Variants in CLIP4 observed in about 807,000 individuals in gnomAD.
CLIP4 encodes CAP-Gly domain-containing linker protein 4.
In CLIP4, 47 loss-of-function variants were observed where a neutral mutation model predicts 73.1. The ratio of observed to expected loss-of-function variants is 0.64; its 90% confidence interval spans 0.51 to 0.82. CLIP4 has a LOEUF of 0.82. Among genes scored for constraint, CLIP4 ranks in the 40% least tolerant of loss-of-function variants. The pLI, the probability that CLIP4 is intolerant of heterozygous loss-of-function variation, is 0.00. For synonymous variants in CLIP4, 306 were observed against 295.4 expected (o/e 1.04, Z -0.37); for missense variants, 874 against 852.9 (o/e 1.02, Z -0.31).
intron 1 of CLIP4, among the ~76,000 whole-genome samples, chr2:29,117,990 C>A (rs533842727): frequency 6.6e-6 from 1 of 152,264 alleles, no homozygotes; most frequent in East Asian, 1.9e-4. Context: ...ACTGTAAATA[C>A]CTGTTTAGTA....
At chr2:29,110,997 C>G (rs1029198554), upstream of CLIP4, among the ~76,000 whole-genome samples, 1 of 152,052 alleles carries the variant, frequency 6.6e-6, no homozygotes, top group African/African-American at 2.4e-5. Flanking sequence ...ATATTTAAAG[C>G]CATAGACTGA....
Position 29,143,846 on chromosome 2 carries a change from A to T in CLIP4, c.786A>T (p.Ser262=). ...CGGTGCCTCTGTCATGTAACATCTC[A>T]AAGGCCATGCTCCCAAATTATGATC... ...LDAVPLSCNI[S]KAMLPNYDHV... The change falls in exon 7 of 16, where the codon TCA becomes TCT. Residue 262 remains serine (S), a synonymous_variant. Transcript: ENST00000320081. 6.2e-7 allele frequency: 1 copy of T among 1,614,186 alleles called. No individual in the cohort carries two copies. Among genetic ancestry groups the T allele is most frequent in the African/African-American group, 1.3e-5 (1 of 75,050 alleles).
At chr2:29,165,410 C>A (rs1366616022) in intron 13 of CLIP4, among the ~76,000 whole-genome samples, 1 of 152,150 alleles carries the variant, frequency 6.6e-6, no homozygotes, top group Non-Finnish European at 1.5e-5. Context: ...GCACCATGTT[C>A]CCTCAATGAG....
chr2:29,141,351 G>A (rs1665753668), intron 6 of CLIP4, among the ~76,000 whole-genome samples: 1 of 152,150 alleles, frequency 6.6e-6, no homozygotes, highest in Admixed American at 6.5e-5. Context: ...AACTGGTCAA[G>A]TGCTGTATTT....
chr2:29,112,923 G>A (rs2148444042), upstream of CLIP4, among the ~76,000 whole-genome samples: 1 of 152,322 alleles, frequency 6.6e-6, no homozygotes, highest in East Asian at 1.9e-4. Context: ...CTTTTATCAT[G>A]GTCGGGGTCC....
chr2:29,100,104 T>TTTTTTGTAAAATACAAAATACAAAA (rs1264991616), intron 1 of CLIP4, among the ~76,000 whole-genome samples: 2 of 152,070 alleles, frequency 1.3e-5, no homozygotes, highest in Non-Finnish European at 2.9e-5. Context: ...ATTTTTGTAT[T>TTTTTTGTAAAATACAAAATACAAAA]TTTTTGTAGA....
intron 6 of CLIP4, 27 bp downstream of exon 6, chr2:29,135,693 A>G: frequency 6.9e-7 from 1 of 1,454,160 alleles, no homozygotes; most frequent in Non-Finnish European, 9.5e-7. Context: ...AAAGTGAAAA[A>G]TATTAAAAGA....
chr2:29,173,656 A>G (rs1668153938), intron 14 of CLIP4, among the ~76,000 whole-genome samples: 1 of 152,194 alleles, frequency 6.6e-6, no homozygotes, highest in African/African-American at 2.4e-5. Flanking sequence ...TATAGTTTTA[A>G]ACTAAAATTG....
chr2:29,169,297 C>T (rs993687398), intron 14 of CLIP4, among the ~76,000 whole-genome samples: 1 of 151,140 alleles, frequency 6.6e-6, no homozygotes, highest in African/African-American at 2.4e-5. Flanking sequence ...AGATGGCCTT[C>T]TATCTCTGGT....
intron 7 of CLIP4, 68 bp downstream of exon 7, chr2:29,144,013 GT>G: frequency 7.5e-6 from 10 of 1,336,594 alleles, no homozygotes; most frequent in African/African-American, 1.4e-5. Context: ...CAAGGACACA[GT>G]ATGGTCAGAG....
At chr2:29,105,766 T>C (rs1668183816) in intron 1 of CLIP4, among the ~76,000 whole-genome samples, 1 of 152,222 alleles carries the variant, frequency 6.6e-6, no homozygotes. Flanking sequence ...AGAGAGCTCC[T>C]TTTTCCTTCC....
At position 29,121,506 on chromosome 2, in the gene CLIP4, A is replaced by C. The variant is rs754193512; in HGVS notation, c.118A>C (p.Met40Leu). The C allele has an allele frequency of 6.2e-7, 1 of 1,613,480 alleles. No homozygotes were observed. The highest frequency in any genetic ancestry group is 2.2e-5 in the East Asian group (1 of 44,848). ...PVIFSISAAP[M>L]PSDCEFSFFD... is the part of the protein sequence containing the mutation. The stretch of plus-strand genomic sequence containing the variant: ...TATCTTTTCCATTTCTGCAGCACCA[A>C]TGCCTTCAGACTGTGGTATGTGAAG... Residue 40 changes from methionine to leucine, a missense_variant, in exon 2 of 16, where the codon ATG becomes CTG. Met to Leu is a conservative substitution (Grantham distance 15, BLOSUM62 2). Coordinates refer to ENST00000320081, the MANE Select transcript of CLIP4 (RefSeq NM_024692.6).
intron 8 of CLIP4, among the ~76,000 whole-genome samples, chr2:29,149,141 A>G (rs555636209): frequency 6.6e-6 from 1 of 152,290 alleles, no homozygotes; most frequent in South Asian, 2.1e-4. Flanking sequence ...GGGCAGCCAT[A>G]GGCAGTGTGT....
At position 29,133,619 on chromosome 2, in the gene CLIP4, G is replaced by C. The variant is rs755703512; in HGVS notation, c.368-36G>C. The C allele has an allele frequency of 1.9e-6, 3 of 1,576,892 alleles. No homozygotes were observed. In the African/African-American group the frequency reaches 4.1e-5, roughly 22 times the overall value. On this transcript the variant is annotated intron_variant, in intron 4 of 15. Transcript: ENST00000320081. ...AGCCATCCATTGGAACTTAAAATTTGTACTAAAGGAAAGTAATTTAGAAAA... is the reference window on the plus strand; with the variant it reads ...AGCCATCCATTGGAACTTAAAATTTCTACTAAAGGAAAGTAATTTAGAAAA...
Position 29,162,707 on chromosome 2 carries a change from A to G in CLIP4, c.1535-1124A>G, listed in dbSNP as rs10186960. ...CAACCAGACTAACCTGGTTTAGGACATGTGGAAATGTGATGACCTATGTTC... is the reference window on the plus strand; with the variant it reads ...CAACCAGACTAACCTGGTTTAGGACGTGTGGAAATGTGATGACCTATGTTC... On this transcript the variant is annotated intron_variant, in intron 12 of 15. Coordinates refer to ENST00000320081, the MANE Select transcript of CLIP4 (RefSeq NM_024692.6). 9.6e-3 allele frequency among the ~76,000 whole-genome samples: 1,461 copies of G among 152,326 alleles called. 23 individuals carry two copies. Among genetic ancestry groups the G allele is most frequent in the African/African-American group, 0.033 (1,354 of 41,586 alleles).
At chr2:29,168,669 C>T (rs1472848989) in intron 14 of CLIP4, among the ~76,000 whole-genome samples, 1 of 151,592 alleles carries the variant, frequency 6.6e-6, no homozygotes, top group Non-Finnish European at 1.5e-5. Flanking sequence ...ACTACAAGCA[C>T]CTGCCACCAC....
At position 29,143,909 on chromosome 2, in the gene CLIP4, G is replaced by C; in HGVS notation, c.849G>C (p.Leu283=). 6.2e-7 allele frequency: 1 copy of C among 1,614,168 alleles called. No individual in the cohort carries two copies. The highest frequency in any genetic ancestry group is 8.5e-7 in the Non-Finnish European group (1 of 1,180,008). The change falls in exon 7 of 16, where the codon CTG becomes CTC. Residue 283 remains leucine (L), a synonymous_variant. Transcript: ENST00000320081. ...AGGCAATGCTTACGTCACTTGGCCT[G>C]AAGTTGGGGGATCGTGTTGTTATTG... is the stretch of plus-strand genomic sequence containing the variant. ...TGKAMLTSLG[L]KLGDRVVIAG...
chr2:29,156,036 A>G (rs3100244), intron 9 of CLIP4, among the ~76,000 whole-genome samples: 68,205 of 152,096 alleles, frequency 0.45, 17,121 homozygotes, highest in East Asian at 0.71. Flanking sequence ...TTGTCCATCA[A>G]GAATGCCTGC....
At chr2:29,125,335 C>G (rs961461490) in intron 2 of CLIP4, among the ~76,000 whole-genome samples, 3 of 152,156 alleles carry the variant, frequency 2.0e-5, no homozygotes, top group Non-Finnish European at 4.4e-5. Context: ...ATGGATGGTT[C>G]TTTCCCTTAC....
Sources: allele counts gnomAD v4.1 joint callset (sites outside exome capture counted in the v4.1 genomes callset), GRCh38; gene constraint gnomAD v4.1.1; transcripts MANE v1.5; gene names NCBI Gene and HGNC (gene_info 2026-07-23, HGNC 2026-07-21).